Variants in SPTB observed in about 807,000 individuals in gnomAD.
The protein encoded by SPTB is spectrin beta chain, erythrocytic.
A neutral mutation model predicts 256.2 loss-of-function variants in SPTB; 45 were observed. The observed-to-expected ratio is 0.18, with a 90% CI of 0.14 to 0.23. The LOEUF (loss-of-function observed/expected upper bound fraction) is 0.23. Ranked by LOEUF, SPTB falls within the 10% of genes least tolerant of loss-of-function variation. The pLI is 1.00. For missense variants in SPTB, 2,715 were observed against 3,040.4 expected, an observed-to-expected ratio of 0.89 and a Z score of 2.52; for synonymous variants, 1,231 against 1,243.1, an observed-to-expected ratio of 0.99 and a Z score of 0.21.
intron 1 of SPTB, among the ~76,000 whole-genome samples, chr14:64,849,167 T>C (rs2083739726): frequency 6.6e-6 from 1 of 152,248 alleles, no homozygotes; most frequent in African/African-American, 2.4e-5. Flanking sequence ...ACATGTTTGA[T>C]TATGGGATGC....
chr14:64,861,757 C>A (rs182782090), intron 1 of SPTB, among the ~76,000 whole-genome samples: 106 of 152,334 alleles, frequency 7.0e-4, no homozygotes, highest in African/African-American at 2.4e-3. Flanking sequence ...AGTTCCTGAT[C>A]ATCGAGTTTC....
At chr14:64,784,619 G>A (rs2139556953) in intron 18 of SPTB, among the ~76,000 whole-genome samples, 1 of 152,330 alleles carries the variant, frequency 6.6e-6, no homozygotes, top group South Asian at 2.1e-4. Context: ...CCACTGGAGT[G>A]TGTGTGGTGT....
chr14:64,858,715 A>T (rs1168225376), intron 1 of SPTB, among the ~76,000 whole-genome samples: 1 of 152,158 alleles, frequency 6.6e-6, no homozygotes, highest in African/African-American at 2.4e-5. Flanking sequence ...CCTGCCTGGG[A>T]GAAGGGGAAG....
intron 1 of SPTB, among the ~76,000 whole-genome samples, chr14:64,858,745 G>A (rs2083913100): frequency 1.3e-5 from 2 of 152,164 alleles, no homozygotes; most frequent in South Asian, 2.1e-4. Context: ...TGGGCTACAG[G>A]AAAGGTCTGT....
Position 64,805,109 on chromosome 14 carries a change from C to A in SPTB, c.149-19G>T, listed in dbSNP as rs748306354. ...CGCTCATCTAGGTGGAGAGAAGAAC[C>A]TTGGTGAGGTGCCTGAGGTTGGCAG... On this transcript the variant is annotated intron_variant, in intron 2 of 35. Transcript: ENST00000644917. The A allele has an allele frequency of 6.2e-7, 1 of 1,613,984 alleles. No individual in the cohort carries two copies. The highest frequency in any genetic ancestry group is 2.2e-5 in the East Asian group (1 of 44,878).
In SPTB at chr14:64,797,831, C is replaced by T. The variant is rs2082806060; in HGVS notation, c.1080G>A (p.Gly360=). The T allele has an allele frequency of 3.1e-6, 5 of 1,613,938 alleles. No homozygotes were observed. Among genetic ancestry groups the T allele is most frequent in the Non-Finnish European group, 4.2e-6 (5 of 1,179,816 alleles). ...TGGTAAAAAGTAGAACTTCCAGATT[C>T]CCCTTCTCTTGAAACCTGTCAAGAA... ...VEKPPKFQEK[G]NLEVLLFTIQ... Residue 360 remains glycine (G), a synonymous_variant, in exon 10 of 36, where the codon GGG becomes GGA. Coordinates refer to ENST00000644917, the MANE Select transcript of SPTB (RefSeq NM_001355436.2).
rs1396905761 is a variant in SPTB at position 64,786,892 on chromosome 14, G to A, written c.3073C>T (p.His1025Tyr). ...CCAATATCCTCCTTCTGCTCAGGGTGCGAGTCCATCAGCTGCTGGGACTCA... is the reference window on the plus strand; with the variant it reads ...CCAATATCCTCCTTCTGCTCAGGGTACGAGTCCATCAGCTGCTGGGACTCA... ...ERESQQLMDSHPEQKEDIGQR... is the reference protein window; with the variant it reads ...ERESQQLMDSYPEQKEDIGQR... Residue 1025 changes from histidine (H) to tyrosine (Y), a missense_variant, in exon 16 of 36, where the codon CAC (histidine) becomes TAC (tyrosine). Coordinates refer to ENST00000644917, the MANE Select transcript of SPTB (RefSeq NM_001355436.2). This position sits in a 1 kb window ranked among gnomAD's most constrained non-coding sequence, Gnocchi z 5.6. 2 of 1,612,756 alleles carry A rather than the reference G, an allele frequency of 1.2e-6. No homozygotes were observed. Among genetic ancestry groups the A allele is most frequent in the Non-Finnish European group, 1.7e-6 (2 of 1,180,034 alleles).
At chr14:64,870,119 A>G (rs993931120) in intron 1 of SPTB, among the ~76,000 whole-genome samples, 7 of 152,144 alleles carry the variant, frequency 4.6e-5, no homozygotes, top group Admixed American at 1.3e-4. Flanking sequence ...GTAAGAAAGG[A>G]GTGAAAAGGG....
At chr14:64,766,598 T>A (rs2082186195) in intron 32 of SPTB, 128 bp downstream of exon 32, 1 of 1,605,634 alleles carries the variant, frequency 6.2e-7, no homozygotes, top group African/African-American at 1.3e-5. Context: ...GCTGCAGGGA[T>A]GTGGGGAGGA....
chr14:64,844,815 C>G lies in SPTB; in HGVS notation c.-51-21670G>C, dbSNP rs1047824298. Among the ~76,000 whole-genome samples, 3 of 152,316 alleles carry G rather than the reference C, an allele frequency of 2.0e-5. No homozygotes were observed. Among genetic ancestry groups the G allele is most frequent in the Admixed American group, 2.0e-4 (3 of 15,308 alleles). On this transcript the variant is annotated intron_variant, in intron 1 of 35. Transcript: ENST00000644917. This position sits in a 1 kb window ranked among gnomAD's most constrained non-coding sequence, Gnocchi z 4.1. ...TTCCAAAATACATCCAAATCACATT[C>G]CAGAGATTCCACCTGATCTCAGTGT...
At chr14:64,846,335 TA>T (rs1203910387) in intron 1 of SPTB, among the ~76,000 whole-genome samples, 1 of 152,226 alleles carries the variant, frequency 6.6e-6, no homozygotes, top group Non-Finnish European at 1.5e-5. Flanking sequence ...AAAGCTGGGT[TA>T]TATATTATAT....
At position 64,772,860 on chromosome 14, in the gene SPTB, A is replaced by G. The variant is rs1288432051; in HGVS notation, c.5273T>C (p.Ile1758Thr). Residue 1758 changes from isoleucine to threonine, a missense_variant, in exon 26 of 36, where the codon ATC becomes ACC. This residue lies in a region of SPTB where 2,239 missense variants were observed against 2,384.4 expected (regional missense o/e 0.94). Transcript: ENST00000644917. The surrounding 1 kb of genome is among the most constrained non-coding windows in gnomAD (Gnocchi z 5.4). ...GGCCGCCTCGCTGTGGCCCGCGTCG[A>G]TGAGTCGCTCGATGAAGGCATTCAC... ...DNVNAFIERLIDAGHSEAATI... is the reference protein window; with the variant it reads ...DNVNAFIERLTDAGHSEAATI... 2.5e-6 allele frequency: 4 copies of G among 1,612,224 alleles called. No homozygotes were observed. The highest frequency in any genetic ancestry group is 2.5e-6 in the Non-Finnish European group (3 of 1,178,978).
At chr14:64,865,182 A>C (rs976379567) in intron 1 of SPTB, among the ~76,000 whole-genome samples, 1 of 152,122 alleles carries the variant, frequency 6.6e-6, no homozygotes, top group Non-Finnish European at 1.5e-5. Context: ...TTACAGACAG[A>C]GAAACCAAGT....
At chr14:64,769,801 G>T in intron 27 of SPTB, 73 bp from the exon 28 acceptor site, 1 of 1,602,544 alleles carries the variant, frequency 6.2e-7, no homozygotes, top group East Asian at 2.2e-5. Flanking sequence ...CCAACCAGAG[G>T]GGCCCACCTC....
intron 1 of SPTB, among the ~76,000 whole-genome samples, chr14:64,870,681 G>T (rs1257288438): frequency 6.6e-6 from 1 of 152,170 alleles, no homozygotes. Context: ...CTTCCCTTTG[G>T]AGATGTTAAA....
Position 64,852,197 on chromosome 14 carries a change from C to T in SPTB, c.-52+27595G>A, listed in dbSNP as rs1178224735. On this transcript the variant is annotated intron_variant, in intron 1 of 35. Transcript: ENST00000644917. This position sits in a 1 kb window ranked among gnomAD's most constrained non-coding sequence, Gnocchi z 4.2. ...CGATGAGTGGGGATCAGAGCTGAGC[C>T]TTTGGGAGGAACAGGAGTTATCCAG... Among the ~76,000 whole-genome samples the T allele has an allele frequency of 3.3e-5, 5 of 152,026 alleles. No individual in the cohort carries two copies. The South Asian group carries it at 6.2e-4, about 19-fold the overall frequency.
intron 1 of SPTB, among the ~76,000 whole-genome samples, chr14:64,872,821 A>G (rs1298961034): frequency 6.6e-6 from 1 of 152,126 alleles, no homozygotes; most frequent in Non-Finnish European, 1.5e-5. Context: ...GTCTCATGAG[A>G]TTTGATGGTT....
rs1237768541 is a variant in SPTB at position 64,772,627 on chromosome 14, G to A, written c.5506C>T (p.Arg1836Trp). 5 of 1,612,562 alleles carry A rather than the reference G, an allele frequency of 3.1e-6. No homozygotes were observed. The highest frequency in any genetic ancestry group is 1.1e-5 in the South Asian group (1 of 91,066). ...TCCCGCTCGAAGGCTGTGTGCACCC[G>A]GTGGAAGGACTCGGCCGTGCTGGCG... Reference protein sequence around the residue: ...LDASTAESFHRVHTAFERELH... With the variant: ...LDASTAESFHWVHTAFERELH... Residue 1836 changes from arginine (R) to tryptophan (W), a missense_variant, in exon 26 of 36, where the codon CGG (arginine) becomes TGG (tryptophan). Physicochemically the swap from Arg to Trp is moderately radical, Grantham distance 101 (BLOSUM62 -3). This residue lies in a region of SPTB where 2,239 missense variants were observed against 2,384.4 expected (regional missense o/e 0.94). Transcript: ENST00000644917. This position sits in a 1 kb window ranked among gnomAD's most constrained non-coding sequence, Gnocchi z 5.4.
intron 32 of SPTB, among the ~76,000 whole-genome samples, chr14:64,761,864 C>T (rs1366177630): frequency 1.3e-5 from 2 of 152,132 alleles, no homozygotes; most frequent in Non-Finnish European, 2.9e-5. Context: ...ATCTGCCACC[C>T]AGTGGTCACA....
Sources: allele counts gnomAD v4.1 joint callset (sites outside exome capture counted in the v4.1 genomes callset), GRCh38; gene constraint gnomAD v4.1.1; regional missense constraint gnomAD v4.1.1; non-coding constraint Gnocchi (gnomAD v3.1); transcripts MANE v1.5; gene names NCBI Gene and HGNC (gene_info 2026-07-23, HGNC 2026-07-21).